SDK1: variants seen among roughly 807,000 people sequenced by gnomAD.
SDK1 encodes the protein protein sidekick-1.
A neutral mutation model predicts 245.5 loss-of-function variants in SDK1; 157 were observed. That is an observed-to-expected ratio of 0.64 (90% CI 0.56 to 0.73). The LOEUF (loss-of-function observed/expected upper bound fraction) is 0.73. Ranked by LOEUF, SDK1 falls within the 30% of genes least tolerant of loss-of-function variation. The probability of loss-of-function intolerance (pLI) is 0.00; values close to 1 mark genes in which losing one functional copy is unlikely to be tolerated. For synonymous variants in SDK1, 1,647 were observed against 1,278.5 expected, an observed-to-expected ratio of 1.29 and a Z score of -6.15; for missense variants, 3,583 against 3,002.3, an observed-to-expected ratio of 1.19 and a Z score of -4.52.
At chr7:4,081,954 G>T (rs1781088035) in intron 22 of SDK1, among the ~76,000 whole-genome samples, 1 of 152,178 alleles carries the variant, frequency 6.6e-6, no homozygotes, top group Admixed American at 6.5e-5. Context: ...CAATATGGAT[G>T]AATTTCACAG....
At chr7:3,308,449 A>G (rs1262763221) in intron 1 of SDK1, among the ~76,000 whole-genome samples, 2 of 152,104 alleles carry the variant, frequency 1.3e-5, no homozygotes, top group South Asian at 2.1e-4. Context: ...TAACACAGTA[A>G]TTTTTCACTT....
chr7:3,885,837 A>G (rs1451792328), intron 5 of SDK1, among the ~76,000 whole-genome samples: 4 of 152,218 alleles, frequency 2.6e-5, no homozygotes, highest in Non-Finnish European at 2.9e-5. Context: ...TGGTGATGAC[A>G]AATGCTAACA....
rs199531602 is a variant in SDK1 at position 3,951,704 on chromosome 7, G to A, written c.960-26G>A. ...GCCACCTCCCTGAGTCACAATCGTCGTCATGAATGCCTTTCATTCCCACAG... is the reference window on the plus strand; with the variant it reads ...GCCACCTCCCTGAGTCACAATCGTCATCATGAATGCCTTTCATTCCCACAG... On this transcript the variant is annotated intron_variant, in intron 6 of 44. Coordinates refer to ENST00000404826, the MANE Select transcript of SDK1 (RefSeq NM_152744.4). 1.4e-5 allele frequency: 23 copies of A among 1,606,770 alleles called. No individual in the cohort carries two copies. The East Asian group carries it at 2.2e-4, about 16-fold the overall frequency.
chr7:3,745,386 T>C (rs1779587445), intron 4 of SDK1, among the ~76,000 whole-genome samples: 1 of 152,204 alleles, frequency 6.6e-6, no homozygotes, highest in African/African-American at 2.4e-5. Flanking sequence ...CACAGAATCC[T>C]ATAAAACCTT....
intron 5 of SDK1, among the ~76,000 whole-genome samples, chr7:3,916,108 C>T (rs1779368283): frequency 1.3e-5 from 2 of 152,006 alleles, no homozygotes; most frequent in South Asian, 4.1e-4. Context: ...GTTTTTGGAA[C>T]TTCAGTATTT....
At chr7:4,208,344 C>G in intron 37 of SDK1, 59 bp downstream of exon 37, 4 of 1,502,314 alleles carry the variant, frequency 2.7e-6, no homozygotes, top group Non-Finnish European at 3.7e-6. Context: ...TTTGAGAGCG[C>G]CAGCTCAGGT....
chr7:3,447,853 C>T (rs1033796182), intron 1 of SDK1, among the ~76,000 whole-genome samples: 7 of 151,762 alleles, frequency 4.6e-5, no homozygotes, highest in African/African-American at 7.3e-5. Flanking sequence ...TATAAGCATG[C>T]GCCACCATGC....
In SDK1 at chr7:4,245,785, G is replaced by A. The variant is rs1487060141; in HGVS notation, c.6361G>A (p.Ala2121Thr). The change falls in exon 44 of 45, where the codon GCA becomes ACA. Residue 2121 changes from alanine (A) to threonine (T), a missense_variant. Transcript: ENST00000404826. Reference sequence around the variant, plus strand: ...GAGCGTGAGCCTCAAGGAGAAGTCGGCAGATGCATCAGAATCTGAGGTCAG... The same window carrying A: ...GAGCGTGAGCCTCAAGGAGAAGTCGACAGATGCATCAGAATCTGAGGTCAG... ...TESVSLKEKS[A>T]DASESEATDS... 1.9e-6 allele frequency: 3 copies of A among 1,613,836 alleles called. No homozygotes were observed. The highest frequency in any genetic ancestry group is 2.7e-5 in the African/African-American group (2 of 74,904).
chr7:3,631,073 A>G (rs927979519), intron 2 of SDK1, among the ~76,000 whole-genome samples: 1 of 152,054 alleles, frequency 6.6e-6, no homozygotes, highest in Non-Finnish European at 1.5e-5. Context: ...GCTTGGGACT[A>G]CAGGCACATG....
chr7:4,097,968 G>A (rs1476558691), intron 22 of SDK1, among the ~76,000 whole-genome samples: 1 of 151,524 alleles, frequency 6.6e-6, no homozygotes, highest in Non-Finnish European at 1.5e-5. Context: ...TTGTTCTGGT[G>A]TAATGTCTCT....
intron 5 of SDK1, among the ~76,000 whole-genome samples, chr7:3,855,593 G>A (rs1190728858): frequency 6.6e-6 from 1 of 152,096 alleles, no homozygotes; most frequent in African/African-American, 2.4e-5. Flanking sequence ...ATAGAAGATA[G>A]AGCCAGCAGT....
chr7:3,437,864 A>G (rs1780075192), intron 1 of SDK1, among the ~76,000 whole-genome samples: 1 of 152,228 alleles, frequency 6.6e-6, no homozygotes, highest in African/African-American at 2.4e-5. Flanking sequence ...TGTAGTACTG[A>G]AACCAAGTGA....
chr7:3,622,567 G>A (rs1781975352), intron 2 of SDK1, among the ~76,000 whole-genome samples: 1 of 152,134 alleles, frequency 6.6e-6, no homozygotes, highest in African/African-American at 2.4e-5. Context: ...CAACCTTTCA[G>A]AATTATAAGA....
At chr7:4,219,483 G>C (rs1431319281) in intron 38 of SDK1, among the ~76,000 whole-genome samples, 1 of 152,218 alleles carries the variant, frequency 6.6e-6, no homozygotes, top group Non-Finnish European at 1.5e-5. Flanking sequence ...AAGAGAGCAT[G>C]TGCGGAGAAC....
At chr7:4,001,639 G>A (rs1415172436) in intron 14 of SDK1, among the ~76,000 whole-genome samples, 2 of 152,214 alleles carry the variant, frequency 1.3e-5, no homozygotes, top group Non-Finnish European at 2.9e-5. Flanking sequence ...TCCTGAGCTT[G>A]TAGACCTTTA....
At chr7:4,047,796 T>C (rs968187566) in intron 17 of SDK1, among the ~76,000 whole-genome samples, 3 of 152,252 alleles carry the variant, frequency 2.0e-5, no homozygotes, top group African/African-American at 7.2e-5. Flanking sequence ...CTAAGCTGTC[T>C]TATGGGCTCA....
rs1046717657 is a variant in SDK1, at chr7:4,026,165, G to C, written c.2602+8813G>C. Among the ~76,000 whole-genome samples, 1 of 152,232 alleles carries C rather than the reference G, an allele frequency of 6.6e-6. No homozygotes were observed. Among genetic ancestry groups the C allele is most frequent in the Non-Finnish European group, 1.5e-5 (1 of 68,046 alleles). On this transcript the variant is annotated intron_variant, in intron 17 of 44. Transcript: ENST00000404826. The surrounding 1 kb of genome is among the most constrained non-coding windows in gnomAD (Gnocchi z 4.1). ...CCCCTTGCCCCACGGCTGGAGAGGG[G>C]AGCTGGTCGTGGGAAGAGTGGAAGA...
At chr7:3,826,412 T>C (rs573934006) in intron 5 of SDK1, among the ~76,000 whole-genome samples, 1 of 152,310 alleles carries the variant, frequency 6.6e-6, no homozygotes, top group East Asian at 1.9e-4. Flanking sequence ...GAAAAATTCT[T>C]ATGACATCTG....
intron 17 of SDK1, among the ~76,000 whole-genome samples, chr7:4,029,991 G>T (rs1024236545): frequency 6.6e-6 from 1 of 152,232 alleles, no homozygotes; most frequent in Non-Finnish European, 1.5e-5. Context: ...AACACTTGGG[G>T]TTTACACCCA....
Sources: allele counts gnomAD v4.1 joint callset (sites outside exome capture counted in the v4.1 genomes callset), GRCh38; gene constraint gnomAD v4.1.1; non-coding constraint Gnocchi (gnomAD v3.1); transcripts MANE v1.5; gene names NCBI Gene and HGNC (gene_info 2026-07-23, HGNC 2026-07-21).